SLC4A10: variants seen among roughly 807,000 people sequenced by gnomAD.
SLC4A10 encodes the protein sodium-driven chloride bicarbonate exchanger.
SLC4A10 carries 42 observed loss-of-function variants against 137.7 expected under a neutral mutation model. That is an observed-to-expected ratio of 0.30 (90% CI 0.24 to 0.39). The LOEUF (loss-of-function observed/expected upper bound fraction) is 0.39, where lower values mean the gene tolerates loss of function less well. Among genes scored for constraint, SLC4A10 ranks in the 10% least tolerant of loss-of-function variants. The pLI is 1.00. For missense variants in SLC4A10, 925 were observed against 1,355.0 expected, an observed-to-expected ratio of 0.68 and a Z score of 4.98; for synonymous variants, 474 against 464.1, an observed-to-expected ratio of 1.02 and a Z score of -0.27.
intron 1 of SLC4A10, among the ~76,000 whole-genome samples, chr2:161,760,962 C>T (rs2050195480): frequency 6.6e-6 from 1 of 151,798 alleles, no homozygotes; most frequent in Non-Finnish European, 1.5e-5. Flanking sequence ...AGCCACATTC[C>T]TGAGCCATAT....
intron 1 of SLC4A10, among the ~76,000 whole-genome samples, chr2:161,744,139 G>A (rs1342001195): frequency 1.3e-5 from 2 of 151,776 alleles, no homozygotes; most frequent in African/African-American, 4.8e-5. Flanking sequence ...TTGCTTGATT[G>A]CTCTAGCTAG....
At chr2:161,841,736 TAAA>T (rs2059198324) in intron 4 of SLC4A10, among the ~76,000 whole-genome samples, 1 of 152,192 alleles carries the variant, frequency 6.6e-6, no homozygotes, top group South Asian at 2.1e-4. Flanking sequence ...CATTTTAAAG[TAAA>T]TAAAACTAAT....
intron 1 of SLC4A10, among the ~76,000 whole-genome samples, chr2:161,633,030 G>A (rs559600672): frequency 1.5e-4 from 22 of 151,488 alleles, no homozygotes; most frequent in Admixed American, 1.4e-3. Flanking sequence ...TTCAATATAT[G>A]ATGGCTTGCT....
chr2:161,657,837 A>G (rs2105662403), intron 1 of SLC4A10, among the ~76,000 whole-genome samples: 1 of 152,298 alleles, frequency 6.6e-6, no homozygotes, highest in Admixed American at 6.5e-5. Flanking sequence ...GAAAATATGG[A>G]TGAATGATGA....
chr2:161,949,806 A>G (rs1322956747), intron 18 of SLC4A10, among the ~76,000 whole-genome samples: 1 of 151,880 alleles, frequency 6.6e-6, no homozygotes, highest in Non-Finnish European at 1.5e-5. Context: ...TATGTTTCAT[A>G]TATACCTTAT....
At chr2:161,802,007 A>G (rs1026816835) in intron 2 of SLC4A10, among the ~76,000 whole-genome samples, 29 of 152,092 alleles carry the variant, frequency 1.9e-4, no homozygotes, top group Admixed American at 3.9e-4. Context: ...GACCAGACAC[A>G]TATATGTATT....
chr2:161,625,595 C>T (rs2032171347), intron 1 of SLC4A10, among the ~76,000 whole-genome samples: 1 of 152,178 alleles, frequency 6.6e-6, no homozygotes, highest in African/African-American at 2.4e-5. Flanking sequence ...TGGCGGTGAG[C>T]TGTCCATTTC....
At chr2:161,741,229 C>T (rs1237151585) in intron 1 of SLC4A10, among the ~76,000 whole-genome samples, 1 of 144,796 alleles carries the variant, frequency 6.9e-6, no homozygotes, top group East Asian at 2.0e-4. Flanking sequence ...TGCCATTGCA[C>T]TCCGGCCTGT....
intron 5 of SLC4A10, among the ~76,000 whole-genome samples, chr2:161,856,426 C>T (rs1166515022): frequency 4.7e-5 from 7 of 150,526 alleles, no homozygotes; most frequent in Middle Eastern, 3.4e-3. Flanking sequence ...GAAAGATAAG[C>T]GGTCCTCTTC....
At position 161,905,854 on chromosome 2, in the gene SLC4A10, T is replaced by G. The variant is rs1277163349; in HGVS notation, c.1964T>G (p.Met655Arg). The G allele has an allele frequency of 6.2e-7, 1 of 1,613,510 alleles. No individual in the cohort carries two copies. The highest frequency in any genetic ancestry group is 2.2e-5 in the East Asian group (1 of 44,870). Residue 655 changes from methionine (M) to arginine (R), a missense_variant, in exon 15 of 27, where the codon ATG (methionine) becomes AGG (arginine). Met to Arg is a moderately conservative substitution (Grantham distance 91). Coordinates refer to ENST00000446997, the MANE Select transcript of SLC4A10 (RefSeq NM_001178015.2). ...FELSEAYPIN[M>R]HNDLELLTQY... ...CTCAGTGAAGCATATCCAATCAACA[T>G]GCATAATGATCTGGAACTGCTGACA...
intron 1 of SLC4A10, among the ~76,000 whole-genome samples, chr2:161,753,666 A>G (rs570711087): frequency 6.6e-6 from 1 of 152,202 alleles, no homozygotes; most frequent in East Asian, 1.9e-4. Flanking sequence ...ACGTTTGATG[A>G]AAGAGTGACC....
chr2:161,767,375 G>A (rs182952023), intron 1 of SLC4A10, among the ~76,000 whole-genome samples: 10 of 151,094 alleles, frequency 6.6e-5, no homozygotes, highest in African/African-American at 1.9e-4. Flanking sequence ...TTTTAACACT[G>A]CTATTTATGC....
chr2:161,809,718 C>G (rs1047022861), intron 3 of SLC4A10, among the ~76,000 whole-genome samples: 2 of 151,960 alleles, frequency 1.3e-5, no homozygotes, highest in African/African-American at 4.8e-5. Flanking sequence ...ATTCTCTATT[C>G]TATTCCATTA....
intron 23 of SLC4A10, among the ~76,000 whole-genome samples, chr2:161,967,406 T>G (rs1290358039): frequency 6.6e-6 from 1 of 152,172 alleles, no homozygotes; most frequent in Non-Finnish European, 1.5e-5. Flanking sequence ...AATAAATGAA[T>G]ACAAATGACT....
chr2:161,624,666 T>C, intron 1 of SLC4A10, 100 bp downstream of exon 1: 1 of 1,496,618 alleles, frequency 6.7e-7, no homozygotes, highest in Middle Eastern at 1.9e-4. Context: ...ACTTTTGGGG[T>C]GGTGGATAGC....
In SLC4A10 at chr2:161,791,195, A is replaced by G. The variant is rs188200626; in HGVS notation, c.131-13254A>G. ...TGTTCATTGTAGTGCTATTCACAAT[A>G]GCAAAGACATGGAACCAACTAAAAT... On this transcript the variant is annotated intron_variant, in intron 2 of 26. Transcript: ENST00000446997. 1.4e-4 allele frequency among the ~76,000 whole-genome samples: 21 copies of G among 152,340 alleles called. No individual in the cohort carries two copies. The East Asian group carries it at 3.1e-3, about 22-fold the overall frequency.
At chr2:161,939,118 C>T (rs1692171462) in intron 15 of SLC4A10, among the ~76,000 whole-genome samples, 2 of 151,992 alleles carry the variant, frequency 1.3e-5, no homozygotes. Flanking sequence ...GCTCTGTCGC[C>T]AGGCAGAGTG....
rs1421508447 is a variant in SLC4A10 at position 161,955,956 on chromosome 2, A to G, written c.2542-1033A>G. Among the ~76,000 whole-genome samples the G allele has an allele frequency of 2.6e-5, 4 of 152,048 alleles. No individual in the cohort carries two copies. The East Asian group carries it at 7.7e-4, about 29-fold the overall frequency. ...TTTATTTTCAAAAAAGTCAATTTGT[A>G]ACTTTTATTGATTGCTTATTGTGTG... On this transcript the variant is annotated intron_variant, in intron 19 of 26. Transcript: ENST00000446997.
intron 18 of SLC4A10, 58 bp downstream of exon 18, chr2:161,949,319 A>G: frequency 1.8e-6 from 2 of 1,128,272 alleles, no homozygotes; most frequent in South Asian, 1.3e-5. Context: ...CATTTAGATG[A>G]TACCTATAAC....
Sources: gnomAD v4.1 joint callset for allele counts (sites outside exome capture counted in the v4.1 genomes callset) on GRCh38, gnomAD v4.1.1 for gene constraint, MANE v1.5 for transcripts, NCBI Gene and HGNC (gene_info 2026-07-23, HGNC 2026-07-21) for gene names.